The following TTI2 variants were observed in gnomAD, a reference collection of about 807,000 sequenced individuals.
TTI2 encodes TELO2-interacting protein 2.
TTI2 carries 26 observed loss-of-function variants against 44.9 expected under a neutral mutation model. The ratio of observed to expected loss-of-function variants is 0.58; its 90% CI spans 0.42 to 0.80. The LOEUF (loss-of-function observed/expected upper bound fraction) is 0.80, where lower values mean the gene tolerates loss of function less well. Ranked by LOEUF, TTI2 falls within the 30% of genes least tolerant of loss-of-function variation. The pLI is 0.00. For missense variants in TTI2, 582 were observed against 611.6 expected (o/e 0.95, Z 0.51); for synonymous variants, 254 against 250.9 (o/e 1.01, Z -0.12).
intron 3 of TTI2, among the ~76,000 whole-genome samples, chr8:33,509,132 C>CAAAAA (rs751009227): frequency 6.2e-5 from 6 of 97,076 alleles, no homozygotes; most frequent in Admixed American, 1.3e-4. Flanking sequence ...GATAATGTCT[C>CAAAAA]AAAAAAAAAA....
intron 6 of TTI2, among the ~76,000 whole-genome samples, chr8:33,502,611 T>C (rs1809125763): frequency 6.6e-6 from 1 of 151,986 alleles, no homozygotes; most frequent in African/African-American, 2.4e-5. Context: ...AATCACGAGG[T>C]CAGGAGTTCG....
chr8:33,500,552 C>A (rs952019567), intron 6 of TTI2, 62 bp from the exon 7 acceptor site: 2 of 1,585,242 alleles, frequency 1.3e-6, no homozygotes, highest in African/African-American at 2.7e-5. Flanking sequence ...TTGGAAGAGA[C>A]TTCAAAGACT....
At position 33,500,382 on chromosome 8, in the gene TTI2, C is replaced by T. The variant is rs775257856; in HGVS notation, c.1368G>A (p.Gln456=). The T allele has an allele frequency of 6.8e-6, 11 of 1,614,052 alleles. No homozygotes were observed. The highest frequency in any genetic ancestry group is 9.3e-6 in the Non-Finnish European group (11 of 1,180,024). Residue 456 remains glutamine (Q), a synonymous_variant, in exon 7 of 8, where the codon CAG becomes CAA. Coordinates refer to ENST00000431156, the MANE Select transcript of TTI2 (RefSeq NM_001102401.4). ...GGAGAATCAGGCAGTCTGTGGCCTC[C>T]TGTAGCAGGGCGCTCTTAACAGACT... ...TPESVKSALL[Q]EATDCLILLD...
At chr8:33,508,087 TAAAAAAAAAAAA>T (rs58891946) in intron 3 of TTI2, among the ~76,000 whole-genome samples, 25 of 19,512 alleles carry the variant, frequency 1.3e-3, no homozygotes, top group African/African-American at 3.6e-3. Context: ...CTAGCGGTAG[TAAAAAAAAAAAA>T]AAAAAAAAAA....
rs746387467 is a variant in TTI2, at chr8:33,503,777, G to T, written c.1086C>A (p.Tyr362Ter). 9 of 1,613,798 alleles carry T rather than the reference G, an allele frequency of 5.6e-6. No individual in the cohort carries two copies. The highest frequency in any genetic ancestry group is 6.8e-6 in the Non-Finnish European group (8 of 1,180,008). The change falls in exon 5 of 8, where the codon TAC (tyrosine) becomes TAA (stop). Residue 362 changes from tyrosine to a stop codon, truncating the protein, a stop_gained. Coordinates refer to ENST00000431156, the MANE Select transcript of TTI2 (RefSeq NM_001102401.4). LOFTEE classifies it high-confidence loss of function. ...TCACGAAAGCCGGCAGGTTTCTTGC[G>T]TAGGTCCTGCGTAAAAGAAGGCGGT... ...PEHRLLLRRTYARNLPAFVNR... is the reference protein window; with the variant it reads ...PEHRLLLRRT
Position 33,498,984 on chromosome 8 carries a change from T to C in TTI2, c.*189A>G. On this transcript the variant is annotated 3_prime_UTR_variant, in exon 8 of 8. Transcript: ENST00000431156. ...TTTTCTCCCAAACTTTATTTAGAAA[T>C]GGAAGGAGTTCAATTTTTTCTTGTT... 3.3e-6 allele frequency: 2 copies of C among 607,238 alleles called. No individual in the cohort carries two copies. Among genetic ancestry groups the C allele is most frequent in the Non-Finnish European group, 5.8e-6 (2 of 346,124 alleles). The allele number at this position is 607,238 out of a possible 1,614,324, so 37.6% of individuals were successfully genotyped here.
chr8:33,500,190 G>A, intron 7 of TTI2, 138 bp downstream of exon 7: 1 of 879,546 alleles, frequency 1.1e-6, no homozygotes. Flanking sequence ...TGAGGCTAGA[G>A]GGCTCATATG....
intron 4 of TTI2, among the ~76,000 whole-genome samples, chr8:33,504,253 A>C (rs1809214669): frequency 6.8e-6 from 1 of 147,520 alleles, no homozygotes. Context: ...CTATGTCACT[A>C]AGTCTAAGTG....
chr8:33,508,063 C>A (rs1397254554), intron 3 of TTI2, among the ~76,000 whole-genome samples: 4 of 13,102 alleles, frequency 3.1e-4, no homozygotes, highest in African/African-American at 8.9e-4. Context: ...TCTGACAAGA[C>A]AAAGAAAATG....
chr8:33,509,979 CAAAA>C (rs10588315), intron 2 of TTI2, 47 bp from the exon 3 acceptor site: 3,249 of 413,570 alleles, frequency 7.9e-3, no homozygotes, highest in Middle Eastern at 0.014. Context: ...TGATAAGTAG[CAAAA>C]AAAAAAAAAA....
intron 6 of TTI2, among the ~76,000 whole-genome samples, chr8:33,502,309 T>G (rs1382948228): frequency 1.3e-5 from 2 of 152,236 alleles, no homozygotes; most frequent in East Asian, 1.9e-4. Context: ...TACTCTATTC[T>G]CAATTAGATT....
rs376602232 is a variant in TTI2 at position 33,504,289 on chromosome 8, A to T, written c.928-354T>A. On this transcript the variant is annotated intron_variant, in intron 4 of 7. Coordinates refer to ENST00000431156, the MANE Select transcript of TTI2 (RefSeq NM_001102401.4). ...ACTTAGTGATACATGATATTTACAC[A>T]TTTTTTTTTTTTTTTTTTTTTTTTT... 2.0e-3 allele frequency among the ~76,000 whole-genome samples: 146 copies of T among 72,968 alleles called. 2 individuals are homozygous for T. Among genetic ancestry groups the T allele is most frequent in the Admixed American group, 5.3e-3 (24 of 4,506 alleles). The allele number at this position is 72,968 out of a possible 152,430, so 47.9% of individuals were successfully genotyped here.
rs1288881841 is a variant in TTI2, at chr8:33,511,947, C to A, written c.647+20G>T. 2 of 1,613,654 alleles carry A rather than the reference C, an allele frequency of 1.2e-6. No homozygotes were observed. Among genetic ancestry groups the A allele is most frequent in the South Asian group, 2.2e-5 (2 of 90,972 alleles). On this transcript the variant is annotated intron_variant, in intron 2 of 7. Transcript: ENST00000431156. The stretch of plus-strand genomic sequence containing the variant: ...AAAACTGTGAGGCTCAAGTCGGTGG[C>A]AAAGGGCAGGAGTACTCACTTATAC...
chr8:33,502,676 A>C (rs987672947), intron 6 of TTI2, among the ~76,000 whole-genome samples: 1 of 150,222 alleles, frequency 6.7e-6, no homozygotes, highest in East Asian at 2.0e-4. Flanking sequence ...TTTTTTAAAA[A>C]TTAGCCAGGC....
At chr8:33,499,400 A>C in intron 7 of TTI2, 123 bp from the exon 8 acceptor site, 4 of 729,176 alleles carry the variant, frequency 5.5e-6, no homozygotes, top group Non-Finnish European at 9.7e-6. Flanking sequence ...ACTTAGGGAC[A>C]GGTCACTAAG....
At chr8:33,509,476 A>AAAAAAAAAAAAAAAAC (rs1809438736) in intron 3 of TTI2, among the ~76,000 whole-genome samples, 1 of 106,564 alleles carries the variant, frequency 9.4e-6, no homozygotes, top group African/African-American at 4.0e-5. Context: ...AAAAAAAAAA[A>AAAAAAAAAAAAAAAAC]GAAAGAAAGA....
intron 6 of TTI2, among the ~76,000 whole-genome samples, chr8:33,502,763 T>C (rs372131099): frequency 4.6e-5 from 7 of 151,434 alleles, no homozygotes; most frequent in African/African-American, 1.7e-4. Context: ...GAGGCAGAGG[T>C]TGCAGTGAGC....
At position 33,510,760 on chromosome 8, in the gene TTI2, G is replaced by A. The variant is rs569725170; in HGVS notation, c.648-828C>T. Among the ~76,000 whole-genome samples the A allele has an allele frequency of 2.8e-4, 43 of 152,220 alleles. No homozygotes were observed. In the Middle Eastern group the frequency reaches 0.01, roughly 36 times the overall value. ...TACTCAGAGCAACAAATAGAAGCACGAAACTCAAAATCAAGCCTTTTAATT... is the reference window on the plus strand; with the variant it reads ...TACTCAGAGCAACAAATAGAAGCACAAAACTCAAAATCAAGCCTTTTAATT... On this transcript the variant is annotated intron_variant, in intron 2 of 7. Coordinates refer to ENST00000431156, the MANE Select transcript of TTI2 (RefSeq NM_001102401.4).
Position 33,503,953 on chromosome 8 carries a change from A to C in TTI2, c.928-18T>G, listed in dbSNP as rs762419492. 9 of 1,613,316 alleles carry C rather than the reference A, an allele frequency of 5.6e-6. No individual in the cohort carries two copies. Among genetic ancestry groups the C allele is most frequent in the Non-Finnish European group, 7.6e-6 (9 of 1,179,618 alleles). ...AGCACAGCCTAGGAGGAAGGAATGG[A>C]AGGACGGTGCATAGTTCATCCATTT... On this transcript the variant is annotated intron_variant, in intron 4 of 7. Coordinates refer to ENST00000431156, the MANE Select transcript of TTI2 (RefSeq NM_001102401.4).
Sources: allele counts gnomAD v4.1 joint callset (sites outside exome capture counted in the v4.1 genomes callset), GRCh38; gene constraint gnomAD v4.1.1; transcripts MANE v1.5; gene names NCBI Gene and HGNC (gene_info 2026-07-23, HGNC 2026-07-21).